Variants in MYO1E observed in about 807,000 individuals in gnomAD.
MYO1E encodes myosin IE.
MYO1E carries 68 observed loss-of-function variants against 151.1 expected under a neutral mutation model. That is an observed-to-expected ratio of 0.45 (90% confidence interval 0.37 to 0.55). The LOEUF (loss-of-function observed/expected upper bound fraction) is 0.55. Ranked by LOEUF, MYO1E falls within the 20% of genes least tolerant of loss-of-function variation. The pLI, the probability that MYO1E is intolerant of heterozygous loss-of-function variation, is 0.00. For missense variants in MYO1E, 1,363 were observed against 1,389.3 expected, an observed-to-expected ratio of 0.98 and a Z score of 0.30; for synonymous variants, 601 against 501.7, an observed-to-expected ratio of 1.20 and a Z score of -2.64.
intron 1 of MYO1E, among the ~76,000 whole-genome samples, chr15:59,283,449 G>A (rs950930612): frequency 5.9e-5 from 9 of 152,116 alleles, no homozygotes; most frequent in African/African-American, 1.4e-4. Flanking sequence ...TAAGAAGCCT[G>A]CTCTAACAGC....
Position 59,177,550 on chromosome 15 carries a change from G to A in MYO1E, c.2049+843C>T, listed in dbSNP as rs560436913. The stretch of plus-strand genomic sequence containing the variant: ...TGAAATAGGTCTTGTGATGGTTAAG[G>A]GAGCCTTGAGAAACGATGATGCTGA... On this transcript the variant is annotated intron_variant, in intron 19 of 27. Transcript: ENST00000288235. 9.2e-5 allele frequency among the ~76,000 whole-genome samples: 14 copies of A among 152,242 alleles called. No homozygotes were observed. The South Asian group carries it at 2.9e-3, about 32-fold the overall frequency.
rs762087916 is a variant in MYO1E, at chr15:59,227,506, C to A, written c.595G>T (p.Val199Leu). 14 of 1,614,052 alleles carry A rather than the reference C, an allele frequency of 8.7e-6. No homozygotes were observed. Among genetic ancestry groups the A allele is most frequent in the Middle Eastern group, 3.3e-4 (2 of 6,084 alleles). Residue 199 changes from valine to leucine, a missense_variant, in exon 7 of 28, where the codon GTG becomes TTG. Coordinates refer to ENST00000288235, the MANE Select transcript of MYO1E (RefSeq NM_004998.4). ...ISNFLLEKSR[V>L]VMRNPGERSF... ...CGCTCTCCTGGGTTCCTCATCACCA[C>A]CCTAGATTTTTCCAGAAGGAAGTTG...
At chr15:59,260,108 C>G (rs1464661018) in intron 3 of MYO1E, among the ~76,000 whole-genome samples, 3 of 152,142 alleles carry the variant, frequency 2.0e-5, no homozygotes, top group African/African-American at 7.2e-5. Context: ...TTAAAGAGAA[C>G]ACTTCAAAAG....
chr15:59,178,356 G>C (rs373394514), intron 19 of MYO1E, 37 bp downstream of exon 19: 2 of 1,611,970 alleles, frequency 1.2e-6, no homozygotes, highest in Non-Finnish European at 1.7e-6. Flanking sequence ...GGGGCCCCGC[G>C]GGAGGGAAGA....
intron 4 of MYO1E, among the ~76,000 whole-genome samples, chr15:59,242,533 A>T (rs1190836468): frequency 6.6e-6 from 1 of 152,194 alleles, no homozygotes; most frequent in African/African-American, 2.4e-5. Context: ...GAGAAAGGAA[A>T]GCTCTTCCTC....
rs554026110 is a variant in MYO1E, at chr15:59,159,310, A to G, written c.2786-931T>C. On this transcript the variant is annotated intron_variant, in intron 24 of 27. Transcript: ENST00000288235. The surrounding 1 kb of genome is among the most constrained non-coding windows in gnomAD (Gnocchi z 4.4). Reference sequence around the variant, plus strand: ...GATAGAATCCAACACCTATTGGGCAATTTCCCCTCGGGGGCCCGCCGCACA... The same window carrying G: ...GATAGAATCCAACACCTATTGGGCAGTTTCCCCTCGGGGGCCCGCCGCACA... Among the ~76,000 whole-genome samples the G allele has an allele frequency of 3.3e-5, 5 of 152,256 alleles. No individual in the cohort carries two copies. Among genetic ancestry groups the G allele is most frequent in the African/African-American group, 9.6e-5 (4 of 41,564 alleles).
At chr15:59,220,001 C>A (rs1422694229) in intron 9 of MYO1E, among the ~76,000 whole-genome samples, 2 of 152,244 alleles carry the variant, frequency 1.3e-5, no homozygotes, top group African/African-American at 4.8e-5. Flanking sequence ...ATAAATCAGA[C>A]TGGACCCATG....
chr15:59,283,637 T>A (rs537876032), intron 1 of MYO1E, among the ~76,000 whole-genome samples: 1 of 152,230 alleles, frequency 6.6e-6, no homozygotes, highest in Non-Finnish European at 1.5e-5. Context: ...TCTTATTACA[T>A]ACCAAGCACT....
At chr15:59,274,364 C>T (rs2080305822) in intron 1 of MYO1E, among the ~76,000 whole-genome samples, 1 of 152,214 alleles carries the variant, frequency 6.6e-6, no homozygotes, top group Non-Finnish European at 1.5e-5. Context: ...CTGGCCACAG[C>T]ATGACTCACT....
intron 15 of MYO1E, among the ~76,000 whole-genome samples, chr15:59,203,071 G>C (rs2079811891): frequency 1.3e-5 from 2 of 152,126 alleles, no homozygotes; most frequent in South Asian, 4.1e-4. Flanking sequence ...AGACAAGCAA[G>C]ATAGACCAGA....
intron 4 of MYO1E, among the ~76,000 whole-genome samples, chr15:59,252,516 A>G (rs1371193481): frequency 6.6e-6 from 1 of 152,160 alleles, no homozygotes; most frequent in African/African-American, 2.4e-5. Context: ...GGAGTTTGAG[A>G]CCAGCCTGGC....
At chr15:59,179,093 G>C (rs543703537) in intron 18 of MYO1E, among the ~76,000 whole-genome samples, 1 of 152,032 alleles carries the variant, frequency 6.6e-6, no homozygotes, top group Non-Finnish European at 1.5e-5. Context: ...GCATTTCTTC[G>C]AGAATGGCCT....
At chr15:59,319,402 T>C (rs1235854286) in intron 1 of MYO1E, among the ~76,000 whole-genome samples, 1 of 152,028 alleles carries the variant, frequency 6.6e-6, no homozygotes, top group Non-Finnish European at 1.5e-5. Context: ...AATGCATATT[T>C]TATAATTATT....
intron 4 of MYO1E, among the ~76,000 whole-genome samples, chr15:59,242,643 G>A (rs2080106934): frequency 1.3e-5 from 2 of 152,226 alleles, no homozygotes; most frequent in South Asian, 4.1e-4. Flanking sequence ...ATTAATGGAT[G>A]CTAAGGCTGG....
chr15:59,290,864 A>G (rs1477297407), intron 1 of MYO1E, among the ~76,000 whole-genome samples: 3 of 152,216 alleles, frequency 2.0e-5, no homozygotes, highest in African/African-American at 7.2e-5. Flanking sequence ...CAGGAATGAG[A>G]GTCAAAGGTG....
chr15:59,262,319 G>A (rs1365958882), intron 2 of MYO1E, among the ~76,000 whole-genome samples: 1 of 152,114 alleles, frequency 6.6e-6, no homozygotes, highest in Admixed American at 6.5e-5. Flanking sequence ...AGGCATCAAT[G>A]AGGTAATTTT....
chr15:59,185,831 G>C (rs1001421439), intron 18 of MYO1E, among the ~76,000 whole-genome samples: 8 of 152,208 alleles, frequency 5.3e-5, no homozygotes, highest in Non-Finnish European at 1.0e-4. Context: ...TCACAACTCA[G>C]AGGAAGGTAC....
At chr15:59,253,324 G>A (rs1449758463) in intron 4 of MYO1E, among the ~76,000 whole-genome samples, 4 of 152,222 alleles carry the variant, frequency 2.6e-5, no homozygotes, top group Admixed American at 6.5e-5. Context: ...AGAAAACAAC[G>A]ATTTTTCAAC....
At chr15:59,333,480 C>T (rs990805478) in intron 1 of MYO1E, among the ~76,000 whole-genome samples, 2 of 152,102 alleles carry the variant, frequency 1.3e-5, no homozygotes, top group Non-Finnish European at 2.9e-5. Flanking sequence ...TGGGCTCAAG[C>T]GATCCTCCTG....
Sources: allele counts gnomAD v4.1 joint callset (sites outside exome capture counted in the v4.1 genomes callset), GRCh38; gene constraint gnomAD v4.1.1; non-coding constraint Gnocchi (gnomAD v3.1); transcripts MANE v1.5; gene names NCBI Gene and HGNC (gene_info 2026-07-23, HGNC 2026-07-21).